Variants in BCL9 observed in about 807,000 individuals in gnomAD.
BCL9 encodes the protein B-cell CLL/lymphoma 9 protein.
In BCL9, 25 loss-of-function variants were observed where a neutral mutation model predicts 88.5. That is an observed-to-expected ratio of 0.28 (90% confidence interval 0.21 to 0.39). BCL9 has a LOEUF of 0.39. Ranked by LOEUF, BCL9 falls within the 10% of genes least tolerant of loss-of-function variation. BCL9 has a pLI of 1.00. For missense variants in BCL9, 1,817 were observed against 1,877.8 expected (o/e 0.97, Z 0.60); for synonymous variants, 711 against 673.3 (o/e 1.06, Z -0.87).
chr1:147,581,597 A>G (rs1656373685), intron 1 of BCL9, among the ~76,000 whole-genome samples: 1 of 152,202 alleles, frequency 6.6e-6, no homozygotes, highest in Middle Eastern at 3.2e-3. Flanking sequence ...AGGAAAAAGG[A>G]AACCCTGTGA....
In BCL9 at chr1:147,620,643, A is replaced by G. The variant is rs782017555; in HGVS notation, c.2488A>G (p.Ser830Gly). The change falls in exon 8 of 10, where the codon AGC becomes GGC. Residue 830 changes from serine (S) to glycine (G), a missense_variant. This residue lies in a region of BCL9 where 1,228 missense variants were observed against 1,191.6 expected (regional missense o/e 1.03). Transcript: ENST00000234739. ...TCTCAACCCTTCCAGTAACCCCACC[A>G]GCCTCAACACAGCTCCTCCAGTTCA... ...LPLNPSSNPT[S>G]LNTAPPVQRG... 1.5e-5 allele frequency: 24 copies of G among 1,614,144 alleles called. 1 individual carries two copies. In the South Asian group the frequency reaches 2.5e-4, roughly 17 times the overall value.
intron 1 of BCL9, among the ~76,000 whole-genome samples, chr1:147,584,116 CA>C (rs1656492947): frequency 1.3e-5 from 2 of 149,388 alleles, no homozygotes; most frequent in South Asian, 4.2e-4. Context: ...GGTGTGATCT[CA>C]GCTCACTGCA....
intron 1 of BCL9, among the ~76,000 whole-genome samples, chr1:147,594,083 T>A (rs1254794228): frequency 6.6e-6 from 1 of 152,214 alleles, no homozygotes; most frequent in Non-Finnish European, 1.5e-5. Flanking sequence ...AGAGGGGCCC[T>A]CATTGGGCTC....
chr1:147,617,463 G>A (rs1553204013), intron 7 of BCL9, among the ~76,000 whole-genome samples: 1 of 152,186 alleles, frequency 6.6e-6, no homozygotes, highest in Admixed American at 6.5e-5. Flanking sequence ...CTACACTCCA[G>A]TTAGGAGTGT....
Position 147,620,935 on chromosome 1 carries a change from C to T in BCL9, c.2780C>T (p.Pro927Leu). 6.2e-7 allele frequency: 1 copy of T among 1,614,196 alleles called. No individual in the cohort carries two copies. Among genetic ancestry groups the T allele is most frequent in the Non-Finnish European group, 8.5e-7 (1 of 1,180,032 alleles). The stretch of plus-strand genomic sequence containing the variant: ...GTCCACCTCAAGTCTCCATCACTTC[C>T]TGCCCCGTCACCTGGATGGACCTCT... ...SPVHLKSPSLPAPSPGWTSSP... is the reference protein window; with the variant it reads ...SPVHLKSPSLLAPSPGWTSSP... The change falls in exon 8 of 10, where the codon CCT (proline) becomes CTT (leucine). Residue 927 changes from proline to leucine, a missense_variant. By Grantham distance (98) the Pro-to-Leu change is moderately conservative. Coordinates refer to ENST00000234739, the MANE Select transcript of BCL9 (RefSeq NM_004326.4).
At chr1:147,554,955 C>G (rs782510636) in intron 1 of BCL9, among the ~76,000 whole-genome samples, 3 of 152,126 alleles carry the variant, frequency 2.0e-5, no homozygotes, top group Non-Finnish European at 4.4e-5. Context: ...TCTTAATGAT[C>G]TTGGCAAGAG....
At chr1:147,593,912 A>G (rs1434235840) in intron 1 of BCL9, among the ~76,000 whole-genome samples, 1 of 152,234 alleles carries the variant, frequency 6.6e-6, no homozygotes, top group African/African-American at 2.4e-5. Context: ...TAAGTTGATT[A>G]TAAAAACATC....
At chr1:147,600,004 C>T (rs1348128626) in intron 1 of BCL9, among the ~76,000 whole-genome samples, 1 of 142,260 alleles carries the variant, frequency 7.0e-6, no homozygotes, top group Admixed American at 7.0e-5. Flanking sequence ...GCGGGCGGGA[C>T]GTCGGGCCGG....
chr1:147,587,550 A>G (rs587735904), intron 1 of BCL9, among the ~76,000 whole-genome samples: 1 of 152,296 alleles, frequency 6.6e-6, no homozygotes, highest in South Asian at 2.1e-4. Context: ...TGGCTCCTTA[A>G]CCATGGCAGG....
At chr1:147,576,509 G>A (rs1656118080) in intron 1 of BCL9, among the ~76,000 whole-genome samples, 1 of 152,188 alleles carries the variant, frequency 6.6e-6, no homozygotes, top group Non-Finnish European at 1.5e-5. Context: ...AAGGCACAAA[G>A]CTTTGAAGTC....
chr1:147,619,776 C>G lies in BCL9; in HGVS notation c.1621C>G (p.Pro541Ala), dbSNP rs781849328. 2 of 1,614,104 alleles carry G rather than the reference C, an allele frequency of 1.2e-6. No homozygotes were observed. The highest frequency in any genetic ancestry group is 1.7e-5 in the Admixed American group (1 of 60,022). Residue 541 changes from proline (P) to alanine (A), a missense_variant, in exon 8 of 10, where the codon CCA becomes GCA. Physicochemically the swap from Pro to Ala is conservative, Grantham distance 27. Transcript: ENST00000234739. The surrounding 1 kb of genome is among the most constrained non-coding windows in gnomAD (Gnocchi z 4.1). ...GCCATTTTCTGATGGTATCAACATG[C>G]CACATTCTCTGCCCCCGAGGGGCAT... is the stretch of plus-strand genomic sequence containing the variant. ...TEPFSDGINM[P>A]HSLPPRGMAP...
chr1:147,619,642 C>T lies in BCL9; in HGVS notation c.1487C>T (p.Ser496Phe). The T allele has an allele frequency of 6.2e-7, 1 of 1,614,116 alleles. No individual in the cohort carries two copies. Among genetic ancestry groups the T allele is most frequent in the Non-Finnish European group, 8.5e-7 (1 of 1,180,024 alleles). ...GAACAAGTGGTTGTCCAGCAGTGTT[C>T]CCTCCAGGACATGATGGTCCATCAG... ...KQEQVVVQQC[S>F]LQDMMVHQHG... is the part of the protein sequence containing the mutation. Residue 496 changes from serine to phenylalanine, a missense_variant, in exon 8 of 10, where the codon TCC (serine) becomes TTC (phenylalanine). Physicochemically the swap from Ser to Phe is radical, Grantham distance 155. Transcript: ENST00000234739. This position sits in a 1 kb window ranked among gnomAD's most constrained non-coding sequence, Gnocchi z 4.1.
At chr1:147,586,127 G>A (rs937958837) in intron 1 of BCL9, among the ~76,000 whole-genome samples, 6 of 152,064 alleles carry the variant, frequency 3.9e-5, no homozygotes, top group African/African-American at 1.4e-4. Context: ...TATTAACTCT[G>A]CTTTTCTTTT....
At position 147,624,273 on chromosome 1, in the gene BCL9, G is replaced by A. The variant is rs781859230; in HGVS notation, c.3595G>A (p.Gly1199Arg). Residue 1199 changes from glycine to arginine, a missense_variant, in exon 10 of 10, where the codon GGG becomes AGG. Physicochemically the swap from Gly to Arg is moderately radical, Grantham distance 125 (BLOSUM62 -2). Transcript: ENST00000234739. The surrounding 1 kb of genome is among the most constrained non-coding windows in gnomAD (Gnocchi z 4.4). ...DAALCKPGGPGGPDSFTVLGN... is the reference protein window; with the variant it reads ...DAALCKPGGPRGPDSFTVLGN... Reference sequence around the variant, plus strand: ...AGCACTTTGCAAGCCTGGAGGCCCCGGGGGTCCTGACTCCTTCACTGTCCT... The same window carrying A: ...AGCACTTTGCAAGCCTGGAGGCCCCAGGGGTCCTGACTCCTTCACTGTCCT... The A allele has an allele frequency of 8.7e-6, 14 of 1,614,048 alleles. No individual in the cohort carries two copies. Among genetic ancestry groups the A allele is most frequent in the African/African-American group, 4.0e-5 (3 of 74,920 alleles).
At position 147,613,121 on chromosome 1, in the gene BCL9, A is replaced by C; in HGVS notation, c.292A>C (p.Lys98Gln). 3 of 1,614,118 alleles carry C rather than the reference A, an allele frequency of 1.9e-6. No homozygotes were observed. Among genetic ancestry groups the C allele is most frequent in the East Asian group, 2.2e-5 (1 of 44,866 alleles). The stretch of plus-strand genomic sequence containing the variant: ...TGGAAATGGTGCCAAGGGCAAGGGG[A>C]AAAGGGAGCGAAGTATTTCCGCCGA... The part of the protein sequence containing the change: ...GAGNGAKGKG[K>Q]RERSISADSF... The change falls in exon 5 of 10, where the codon AAA becomes CAA. Residue 98 changes from lysine (K) to glutamine (Q), a missense_variant. Lys to Gln is a moderately conservative substitution (Grantham distance 53, BLOSUM62 1). Transcript: ENST00000234739.
chr1:147,545,014 T>C (rs1472146280), intron 1 of BCL9, among the ~76,000 whole-genome samples: 2 of 152,138 alleles, frequency 1.3e-5, no homozygotes, highest in African/African-American at 4.8e-5. Context: ...TGTCAATCCA[T>C]CTTTTTTTTT....
At chr1:147,604,482 A>G (rs944011146) in intron 1 of BCL9, among the ~76,000 whole-genome samples, 7 of 152,230 alleles carry the variant, frequency 4.6e-5, no homozygotes, top group African/African-American at 1.7e-4. Context: ...GTTAAAAACA[A>G]TGATTAAAAT....
At chr1:147,599,224 C>G (rs1657196044) in intron 1 of BCL9, among the ~76,000 whole-genome samples, 1 of 152,180 alleles carries the variant, frequency 6.6e-6, no homozygotes, top group South Asian at 2.1e-4. Context: ...CGGAGGAGAG[C>G]GCAGTCCTGG....
intron 1 of BCL9, among the ~76,000 whole-genome samples, chr1:147,576,942 A>G (rs952872040): frequency 6.6e-6 from 1 of 152,208 alleles, no homozygotes; most frequent in Non-Finnish European, 1.5e-5. Context: ...GCCTGTTGAT[A>G]TAAAAGGTAC....
Sources: gnomAD v4.1 joint callset for allele counts (sites outside exome capture counted in the v4.1 genomes callset) on GRCh38, gnomAD v4.1.1 for gene constraint, gnomAD v4.1.1 regional missense constraint, Gnocchi (gnomAD v3.1) non-coding constraint, MANE v1.5 for transcripts, NCBI Gene and HGNC (gene_info 2026-07-23, HGNC 2026-07-21) for gene names.